The following TNRC6A variants were observed in gnomAD, a reference collection of about 807,000 sequenced individuals.
The protein encoded by TNRC6A is trinucleotide repeat-containing gene 6A protein.
In TNRC6A, 44 loss-of-function variants were observed where a neutral mutation model predicts 221.2. The observed-to-expected ratio is 0.20, with a 90% CI of 0.16 to 0.26. TNRC6A has a LOEUF of 0.26. Among genes scored for constraint, TNRC6A ranks in the 10% least tolerant of loss-of-function variants. TNRC6A has a pLI of 1.00. For synonymous variants in TNRC6A, 847 were observed against 838.5 expected, an observed-to-expected ratio of 1.01 and a Z score of -0.18; for missense variants, 2,199 against 2,404.4, an observed-to-expected ratio of 0.91 and a Z score of 1.79.
rs531231431 is a variant in TNRC6A, at chr16:24,825,578, G to C, written c.*1771G>C. The stretch of plus-strand genomic sequence containing the variant: ...CGATTAAAAATCTAAGCAAATATTT[G>C]AACATTTTATCTGAACTCATCACAA... On this transcript the variant is annotated 3_prime_UTR_variant, in exon 25 of 25. Transcript: ENST00000395799. 6.5e-6 allele frequency: 1 copy of C among 152,738 alleles called. No homozygotes were observed. The highest frequency in any genetic ancestry group is 2.1e-4 in the South Asian group (1 of 4,824). 9.5% of individuals were successfully genotyped at this position (152,738 alleles called of 1,614,324 possible).
intron 21 of TNRC6A, 111 bp from the exon 22 acceptor site, chr16:24,820,028 T>G (rs2058735720): frequency 6.9e-6 from 7 of 1,020,548 alleles, no homozygotes; most frequent in Non-Finnish European, 1.0e-5. Context: ...GTTTTAAAGT[T>G]TCTTTTGTTT....
intron 2 of TNRC6A, among the ~76,000 whole-genome samples, chr16:24,657,317 CAAAA>C (rs56241898): frequency 4.1e-4 from 36 of 88,150 alleles, no homozygotes; most frequent in African/African-American, 1.4e-3. Context: ...GACCCTATCT[CAAAA>C]AAAAAAAAAA....
At chr16:24,771,578 TATGTTGTTATGTTATG>T (rs2057602577) in intron 4 of TNRC6A, among the ~76,000 whole-genome samples, 1 of 126,026 alleles carries the variant, frequency 7.9e-6, no homozygotes, top group Non-Finnish European at 1.7e-5. Flanking sequence ...TATGTTATGT[TATGTTGTTATGTTATG>T]TTATGTTATG....
chr16:24,659,577 G>C (rs1000096753), intron 2 of TNRC6A, among the ~76,000 whole-genome samples: 3 of 152,158 alleles, frequency 2.0e-5, no homozygotes, highest in Non-Finnish European at 4.4e-5. Context: ...CAAGTAGCTG[G>C]AACTACAGGT....
intron 4 of TNRC6A, among the ~76,000 whole-genome samples, chr16:24,762,802 C>T (rs1171525038): frequency 6.6e-6 from 1 of 152,174 alleles, no homozygotes; most frequent in African/African-American, 2.4e-5. Flanking sequence ...TGGGCTCTAC[C>T]GCTTCTGTTT....
At position 24,791,169 on chromosome 16, in the gene TNRC6A, C is replaced by A. The variant is rs753617324; in HGVS notation, c.2527C>A (p.Gln843Lys). The change falls in exon 6 of 25, where the codon CAA becomes AAA. Residue 843 changes from glutamine (Q) to lysine (K), a missense_variant. This residue lies in a region of TNRC6A where 1,405 missense variants were observed against 1,400.2 expected (regional missense o/e 1.00). Transcript: ENST00000395799. ...QKNKQGWGDGQKSSQGWSVSA... is the reference protein window; with the variant it reads ...QKNKQGWGDGKKSSQGWSVSA... ...GAATAAACAGGGATGGGGTGATGGA[C>A]AAAAATCAAGCCAAGGGTGGTCTGT... is the stretch of plus-strand genomic sequence containing the variant. 6.2e-7 allele frequency: 1 copy of A among 1,613,866 alleles called. No homozygotes were observed. The highest frequency in any genetic ancestry group is 8.5e-7 in the Non-Finnish European group (1 of 1,179,996).
intron 2 of TNRC6A, among the ~76,000 whole-genome samples, chr16:24,641,790 T>C (rs1248882396): frequency 6.6e-6 from 1 of 152,194 alleles, no homozygotes; most frequent in African/African-American, 2.4e-5. Context: ...TGATTTTTTA[T>C]TGAGCATCTA....
chr16:24,786,666 A>G (rs1027886565), intron 5 of TNRC6A, among the ~76,000 whole-genome samples: 2 of 149,746 alleles, frequency 1.3e-5, no homozygotes, highest in Admixed American at 1.3e-4. Context: ...ATTGGTACTA[A>G]TACTGTTTCG....
chr16:24,629,733 C>T (rs568550018), intron 1 of TNRC6A, among the ~76,000 whole-genome samples: 6 of 152,100 alleles, frequency 3.9e-5, no homozygotes, highest in South Asian at 4.1e-4. Context: ...AATCTCACTG[C>T]TTTGGGAGGC....
intron 1 of TNRC6A, among the ~76,000 whole-genome samples, chr16:24,638,684 G>A (rs970761701): frequency 2.0e-5 from 3 of 151,082 alleles, no homozygotes; most frequent in Non-Finnish European, 2.9e-5. Context: ...TTGCACTCCA[G>A]CCTGGGCAAC....
At chr16:24,720,691 CAAA>C (rs60226517) in intron 2 of TNRC6A, among the ~76,000 whole-genome samples, 4 of 28,924 alleles carry the variant, frequency 1.4e-4, no homozygotes, top group Admixed American at 4.1e-4. Context: ...AACTTCATCT[CAAA>C]AAAAAAAAAA....
At position 24,776,966 on chromosome 16, in the gene TNRC6A, C is replaced by G. The variant is rs1199235008; in HGVS notation, c.197C>G (p.Pro66Arg). The change falls in exon 5 of 25, where the codon CCT becomes CGT. Residue 66 changes from proline (P) to arginine (R), a missense_variant. Coordinates refer to ENST00000395799, the MANE Select transcript of TNRC6A (RefSeq NM_014494.4). Reference protein sequence around the residue: ...PEQIKPSVSQPQPANSNNGTS... With the variant: ...PEQIKPSVSQRQPANSNNGTS... ...CAGATAAAGCCCAGTGTAAGCCAGC[C>G]TCAGCCTGCCAACTCTAATAACGGC... 6.2e-7 allele frequency: 1 copy of G among 1,613,950 alleles called. No homozygotes were observed. The highest frequency in any genetic ancestry group is 8.5e-7 in the Non-Finnish European group (1 of 1,180,004).
intron 2 of TNRC6A, among the ~76,000 whole-genome samples, chr16:24,672,222 C>T (rs1187218147): frequency 6.8e-6 from 1 of 147,782 alleles, no homozygotes; most frequent in Non-Finnish European, 1.5e-5. Context: ...CCCGGGTTCA[C>T]GCCATTCTGC....
intron 11 of TNRC6A, among the ~76,000 whole-genome samples, chr16:24,800,249 C>T (rs1167256229): frequency 6.6e-6 from 1 of 152,206 alleles, no homozygotes; most frequent in Non-Finnish European, 1.5e-5. Context: ...CCTTTTGATT[C>T]TCACAACTTA....
chr16:24,709,863 G>T (rs908364422), intron 2 of TNRC6A, among the ~76,000 whole-genome samples: 5 of 148,120 alleles, frequency 3.4e-5, no homozygotes, highest in Non-Finnish European at 7.4e-5. Context: ...TCTTTGACTC[G>T]GCTATTCCAC....
chr16:24,729,698 G>T lies in TNRC6A; in HGVS notation c.-144G>T, dbSNP rs1411380801. On this transcript the variant is annotated 5_prime_UTR_variant, in exon 1 of 25. Coordinates refer to ENST00000395799, the MANE Select transcript of TNRC6A (RefSeq NM_014494.4). Reference sequence around the variant, plus strand: ...CGGCGGCGGTGTCGGCGGCGGCGGCGGCGGCGGCGGCGGCGGCGGCAGCGG... The same window carrying T: ...CGGCGGCGGTGTCGGCGGCGGCGGCTGCGGCGGCGGCGGCGGCGGCAGCGG... 1.0e-6 allele frequency: 1 copy of T among 982,722 alleles called. No individual in the cohort carries two copies. Among genetic ancestry groups the T allele is most frequent in the Non-Finnish European group, 1.3e-6 (1 of 749,766 alleles). 60.9% of individuals were successfully genotyped at this position (982,722 alleles called of 1,614,324 possible).
intron 2 of TNRC6A, among the ~76,000 whole-genome samples, chr16:24,675,316 T>G (rs984193983): frequency 5.9e-5 from 9 of 152,150 alleles, no homozygotes; most frequent in African/African-American, 2.2e-4. Flanking sequence ...GCTGTGATTC[T>G]TAGATAGTAC....
chr16:24,732,900 A>G (rs1310835878), intron 2 of TNRC6A, among the ~76,000 whole-genome samples: 3 of 152,114 alleles, frequency 2.0e-5, no homozygotes. Context: ...AAAGCCTCCA[A>G]ACTTTTAGAT....
intron 5 of TNRC6A, among the ~76,000 whole-genome samples, chr16:24,780,325 A>G (rs1296802640): frequency 6.6e-6 from 1 of 152,224 alleles, no homozygotes; most frequent in Non-Finnish European, 1.5e-5. Flanking sequence ...AAAAGTAAGT[A>G]TGCAAACATT....
Sources: gnomAD v4.1 joint callset for allele counts (sites outside exome capture counted in the v4.1 genomes callset) on GRCh38, gnomAD v4.1.1 for gene constraint, gnomAD v4.1.1 regional missense constraint, MANE v1.5 for transcripts, NCBI Gene and HGNC (gene_info 2026-07-23, HGNC 2026-07-21) for gene names.